Variants in TTI1 observed in about 807,000 individuals in gnomAD.
TTI1 encodes the protein TELO2 interacting protein 1.
Under a neutral mutation model 85.4 loss-of-function variants are expected in TTI1, and 52 were observed. The ratio of observed to expected loss-of-function variants is 0.61; its 90% CI spans 0.49 to 0.77. The LOEUF is 0.77. TTI1 is among the 30% of genes least tolerant of loss of function. The pLI is 0.00. For missense variants in TTI1, 1,173 were observed against 1,296.0 expected (o/e 0.91, Z 1.46); for synonymous variants, 512 against 503.9 (o/e 1.02, Z -0.22).
intron 7 of TTI1, among the ~76,000 whole-genome samples, chr20:37,985,330 C>T (rs2073175349): frequency 1.3e-5 from 2 of 152,156 alleles, no homozygotes; most frequent in African/African-American, 4.8e-5. Context: ...TACTGCTGGG[C>T]ATTAAATAGG....
At chr20:38,027,757 T>A (rs1458648046) in intron 1 of TTI1, among the ~76,000 whole-genome samples, 2 of 152,026 alleles carry the variant, frequency 1.3e-5, no homozygotes, top group Non-Finnish European at 2.9e-5. Context: ...AAACCCCGTC[T>A]CTACAAAAAT....
At chr20:38,027,499 CT>C (rs1327062937) in intron 1 of TTI1, among the ~76,000 whole-genome samples, 5 of 152,164 alleles carry the variant, frequency 3.3e-5, no homozygotes, top group Admixed American at 6.5e-5. Context: ...AAAAACTTAA[CT>C]ATTGACAGCC....
rs1568628803 is a variant in TTI1, at chr20:38,020,309, T to TAAA, written c.-41-6453_-41-6452insTTT. 1.7e-4 allele frequency among the ~76,000 whole-genome samples: 8 copies of TAAA among 46,698 alleles called. 1 individual carries two copies. Among genetic ancestry groups the TAAA allele is most frequent in the Admixed American group, 2.4e-4 (1 of 4,244 alleles). 30.6% of individuals were successfully genotyped at this position (46,698 alleles called of 152,430 possible). A position where few individuals can be genotyped will look rare whatever the true frequency, so the allele number is the denominator to read the frequency against. ...GTGCTATGTCACTTGGCTACTCATA[T>TAAA]GAAAAAAAAAAAAAATATATATATA... On this transcript the variant is annotated intron_variant, in intron 1 of 7. Transcript: ENST00000373447.
Position 38,013,356 on chromosome 20 carries a change from G to C in TTI1, c.461C>G (p.Ala154Gly). 1 of 1,614,090 alleles carries C rather than the reference G, an allele frequency of 6.2e-7. No homozygotes were observed. Among genetic ancestry groups the C allele is most frequent in the Non-Finnish European group, 8.5e-7 (1 of 1,180,034 alleles). Reference protein sequence around the residue: ...EPSILPRLGFAVSLLLGLAEQ... With the variant: ...EPSILPRLGFGVSLLLGLAEQ... Reference sequence around the variant, plus strand: ...TGCAAGGCCTAACAGTAAAGATACAGCAAATCCTAAACGTGGCAGAATGGA... The same window carrying C: ...TGCAAGGCCTAACAGTAAAGATACACCAAATCCTAAACGTGGCAGAATGGA... Residue 154 changes from alanine (A) to glycine (G), a missense_variant, in exon 2 of 8, where the codon GCT (alanine) becomes GGT (glycine). Coordinates refer to ENST00000373447, the MANE Select transcript of TTI1 (RefSeq NM_001303457.2).
intron 7 of TTI1, among the ~76,000 whole-genome samples, chr20:37,985,112 T>C (rs2122469810): frequency 6.6e-6 from 1 of 152,340 alleles, no homozygotes; most frequent in African/African-American, 2.4e-5. Context: ...GCTATGTGGC[T>C]TTGGGAAATT....
intron 5 of TTI1, 150 bp from the exon 6 acceptor site, chr20:37,997,103 G>A: frequency 2.1e-6 from 2 of 935,170 alleles, no homozygotes; most frequent in Non-Finnish European, 3.1e-6. Context: ...CATGGTTTGT[G>A]ATTCTGACAG....
rs2073150497 is a variant in TTI1 at position 37,983,565 on chromosome 20, T to A, written c.3161A>T (p.Gln1054Leu). 2.5e-6 allele frequency: 4 copies of A among 1,603,876 alleles called. No homozygotes were observed. ...GAGGCTGGGGTGGGGAGGTGTGAAC[T>A]GCACGGGGCAGTAAAGCTCGTTCAG... ...FLLNELYCPV[Q>L]FTPPHPSLHP... The change falls in exon 8 of 8, where the codon CAG (glutamine) becomes CTG (leucine). Residue 1054 changes from glutamine (Q) to leucine (L), a missense_variant. Gln to Leu is a moderately radical substitution (Grantham distance 113, BLOSUM62 -2). Coordinates refer to ENST00000373447, the MANE Select transcript of TTI1 (RefSeq NM_001303457.2).
chr20:37,998,029 A>G (rs1196849861), intron 5 of TTI1, among the ~76,000 whole-genome samples: 3 of 152,148 alleles, frequency 2.0e-5, no homozygotes, highest in African/African-American at 7.2e-5. Flanking sequence ...GCCCGAGTTC[A>G]AGCAATTCTC....
In TTI1 at chr20:38,009,514, A is replaced by ATT. The variant is rs113820905; in HGVS notation, c.2302+1999_2302+2000dup. On this transcript the variant is annotated intron_variant, in intron 2 of 7. Coordinates refer to ENST00000373447, the MANE Select transcript of TTI1 (RefSeq NM_001303457.2). ...TTCCCACCTGAATTTTTATTTATTT[A>ATT]TTTTTTTTTTTGAGACAGTCTTCCT... 7.4e-5 allele frequency among the ~76,000 whole-genome samples: 11 copies of ATT among 148,246 alleles called. No individual in the cohort carries two copies. In the South Asian group the frequency reaches 1.7e-3, roughly 23 times the overall value.
intron 7 of TTI1, among the ~76,000 whole-genome samples, chr20:37,985,415 G>A (rs2073176849): frequency 6.6e-6 from 1 of 152,128 alleles, no homozygotes; most frequent in Non-Finnish European, 1.5e-5. Flanking sequence ...CACCCTCAGG[G>A]GATTTGGGTC....
chr20:38,023,472 A>G (rs541297518), intron 1 of TTI1, among the ~76,000 whole-genome samples: 12 of 152,284 alleles, frequency 7.9e-5, no homozygotes, highest in African/African-American at 2.2e-4. Context: ...CTTGCACTGT[A>G]TATATTCTCT....
In TTI1 at chr20:38,012,725, CACT is replaced by C. The variant is rs771573888; in HGVS notation, c.1089_1091del (p.Val365del). 1.3e-5 allele frequency: 21 copies of C among 1,614,062 alleles called. No individual in the cohort carries two copies. Among genetic ancestry groups the C allele is most frequent in the Admixed American group, 3.3e-5 (2 of 60,004 alleles). On this transcript the variant is annotated inframe_deletion, in exon 2 of 8. Transcript: ENST00000373447. ...TGTCAGCGAGGGCTTTGTTGCCCAC[CACT>C]ACTTTTTGATCTGCAAAATGTCTCA... is the stretch of plus-strand genomic sequence containing the variant.
At chr20:38,002,533 A>C in intron 4 of TTI1, 95 bp downstream of exon 4, 1 of 1,506,548 alleles carries the variant, frequency 6.6e-7, no homozygotes, top group Non-Finnish European at 9.1e-7. Flanking sequence ...CCAGGAGATA[A>C]GGGGAGCTAC....
Position 38,002,796 on chromosome 20 carries a change from G to A in TTI1, c.2504-20C>T. The stretch of plus-strand genomic sequence containing the variant: ...GTTCCTCTGGAAAAAGAGCACAACT[G>A]GGGGCAGTGTTGTATGAGTGATAAA... On this transcript the variant is annotated intron_variant, in intron 3 of 7. Transcript: ENST00000373447. 4.3e-6 allele frequency: 7 copies of A among 1,612,618 alleles called. No homozygotes were observed. The highest frequency in any genetic ancestry group is 5.1e-6 in the Non-Finnish European group (6 of 1,179,106).
At chr20:37,992,191 C>T (rs1450473587) in intron 7 of TTI1, among the ~76,000 whole-genome samples, 1 of 152,184 alleles carries the variant, frequency 6.6e-6, no homozygotes, top group Non-Finnish European at 1.5e-5. Flanking sequence ...CTGGGGTTAG[C>T]AGGTGGGAGT....
intron 1 of TTI1, among the ~76,000 whole-genome samples, chr20:38,020,323 A>AAAAAAAAAAAAAAAAAT: frequency 2.0e-5 from 1 of 50,382 alleles, no homozygotes; most frequent in African/African-American, 8.9e-5. Flanking sequence ...AAAAAAAAAA[A>AAAAAAAAAAAAAAAAAT]ATATATATAT....
At chr20:38,028,431 G>T (rs1330498101) in intron 1 of TTI1, among the ~76,000 whole-genome samples, 1 of 152,184 alleles carries the variant, frequency 6.6e-6, no homozygotes, top group Non-Finnish European at 1.5e-5. Flanking sequence ...AATTACCAGA[G>T]ACAGAGTACA....
chr20:37,985,910 T>C (rs573543132), intron 7 of TTI1, among the ~76,000 whole-genome samples: 1 of 152,074 alleles, frequency 6.6e-6, no homozygotes, highest in African/African-American at 2.4e-5. Flanking sequence ...ACCTCCATAG[T>C]GGTTGTTGGA....
chr20:37,996,745 C>T lies in TTI1; in HGVS notation c.2998+4G>A. 1 of 1,601,876 alleles carries T rather than the reference C, an allele frequency of 6.2e-7. No individual in the cohort carries two copies. Among genetic ancestry groups the T allele is most frequent in the Non-Finnish European group, 8.5e-7 (1 of 1,171,760 alleles). On this transcript the variant is annotated splice_donor_region_variant and intron_variant, in intron 6 of 7. Coordinates refer to ENST00000373447, the MANE Select transcript of TTI1 (RefSeq NM_001303457.2). ...GTGTTCAGGTGGAACTGCCTGGTAC[C>T]CACCTAGGTCCAGTCTCTCACAGAG...
Sources: gnomAD v4.1 joint callset for allele counts (sites outside exome capture counted in the v4.1 genomes callset) on GRCh38, gnomAD v4.1.1 for gene constraint, MANE v1.5 for transcripts, NCBI Gene and HGNC (gene_info 2026-07-23, HGNC 2026-07-21) for gene names.